Variants in CACNA2D3 observed in about 807,000 individuals in gnomAD.
CACNA2D3 encodes the protein calcium voltage-gated channel auxiliary subunit alpha2delta 3, also known as voltage-dependent calcium channel subunit alpha-2/delta-3.
CACNA2D3 carries 60 observed loss-of-function variants against 160.6 expected under a neutral mutation model. The ratio of observed to expected loss-of-function variants is 0.37; its 90% confidence interval spans 0.30 to 0.46. The LOEUF is 0.46. Among genes scored for constraint, CACNA2D3 ranks in the 20% least tolerant of loss-of-function variants. The pLI is 1.00. For missense variants in CACNA2D3, 1,205 were observed against 1,365.0 expected, an observed-to-expected ratio of 0.88 and a Z score of 1.85; for synonymous variants, 558 against 492.9, an observed-to-expected ratio of 1.13 and a Z score of -1.75.
At chr3:54,563,639 G>A (rs1474198668) in intron 6 of CACNA2D3, among the ~76,000 whole-genome samples, 1 of 152,158 alleles carries the variant, frequency 6.6e-6, no homozygotes, top group East Asian at 1.9e-4. Flanking sequence ...TACAAGTTGT[G>A]AAAACAGGAC....
chr3:54,740,367 T>C (rs1169687924), intron 11 of CACNA2D3, among the ~76,000 whole-genome samples: 3 of 152,150 alleles, frequency 2.0e-5, no homozygotes, highest in African/African-American at 4.8e-5. Context: ...GAACATTGAC[T>C]TGCCTTCCCA....
At chr3:54,148,126 C>T (rs367864046) in intron 2 of CACNA2D3, among the ~76,000 whole-genome samples, 5 of 152,210 alleles carry the variant, frequency 3.3e-5, no homozygotes, top group African/African-American at 7.2e-5. Context: ...CACTGGCTTC[C>T]GCGATGGCCC....
rs1176247271 is a variant in CACNA2D3, at chr3:55,073,808, G to GGCCCAGAAGATCAGAAGGC, written c.3141_3159dup (p.Ser1054AspfsTer14). ...AATCCCTTAAGTGTGAACGTCTAAA[G>GGCCCAGAAGATCAGAAGGC]GCCCAGAAGATCAGAAGGCGCCCAG... On this transcript the variant is annotated frameshift_variant, in exon 37 of 38. Transcript: ENST00000474759. LOFTEE classifies it high-confidence loss of function. 1 of 1,613,650 alleles carries GGCCCAGAAGATCAGAAGGC rather than the reference G, an allele frequency of 6.2e-7. No homozygotes were observed. The highest frequency in any genetic ancestry group is 1.3e-5 in the African/African-American group (1 of 74,898).
chr3:55,025,111 C>G (rs1338596707), intron 35 of CACNA2D3, among the ~76,000 whole-genome samples: 1 of 152,072 alleles, frequency 6.6e-6, no homozygotes, highest in Non-Finnish European at 1.5e-5. Context: ...AGTGAGAAAA[C>G]CAATAGAACT....
chr3:54,286,083 G>A (rs908078297), intron 2 of CACNA2D3, among the ~76,000 whole-genome samples: 1 of 152,218 alleles, frequency 6.6e-6, no homozygotes, highest in African/African-American at 2.4e-5. Context: ...GATGGAGAAT[G>A]ACTTTGACGA....
rs190485273 is a variant in CACNA2D3 at position 54,369,908 on chromosome 3, A to G, written c.322-16807A>G. On this transcript the variant is annotated intron_variant, in intron 3 of 37. Transcript: ENST00000474759. ...ACAAATTCCTACAGTGCAGACTGCGATAAGTAATTTGTAGCTCCCTTCAGT... is the reference window on the plus strand; with the variant it reads ...ACAAATTCCTACAGTGCAGACTGCGGTAAGTAATTTGTAGCTCCCTTCAGT... 5.9e-5 allele frequency among the ~76,000 whole-genome samples: 9 copies of G among 152,354 alleles called. No homozygotes were observed. In the East Asian group the frequency reaches 1.7e-3, roughly 29 times the overall value.
chr3:54,308,907 A>G (rs1703669235), intron 2 of CACNA2D3, among the ~76,000 whole-genome samples: 1 of 152,230 alleles, frequency 6.6e-6, no homozygotes, highest in African/African-American at 2.4e-5. Context: ...AGGCTGCAGA[A>G]AGCAATCTAT....
At chr3:54,738,246 G>T (rs1701572311) in intron 11 of CACNA2D3, among the ~76,000 whole-genome samples, 1 of 152,182 alleles carries the variant, frequency 6.6e-6, no homozygotes, top group Non-Finnish European at 1.5e-5. Context: ...GTTTCCAAGT[G>T]GCAGATAATC....
chr3:54,635,490 G>A (rs1479897197), intron 10 of CACNA2D3, among the ~76,000 whole-genome samples: 1 of 151,966 alleles, frequency 6.6e-6, no homozygotes, highest in East Asian at 1.9e-4. Flanking sequence ...AAAATAGTAG[G>A]GATGACAAGT....
chr3:54,224,100 T>C (rs1345464770), intron 2 of CACNA2D3, among the ~76,000 whole-genome samples: 1 of 152,106 alleles, frequency 6.6e-6, no homozygotes, highest in East Asian at 1.9e-4. Flanking sequence ...AGCACACACA[T>C]TAGCCTAAGC....
chr3:54,425,331 CAAAA>C (rs1317231547), intron 4 of CACNA2D3, among the ~76,000 whole-genome samples: 2 of 149,394 alleles, frequency 1.3e-5, no homozygotes, highest in African/African-American at 2.6e-5. Context: ...AACTCCATCT[CAAAA>C]CAAACAAACA....
At chr3:54,692,223 C>T (rs1224921429) in intron 11 of CACNA2D3, among the ~76,000 whole-genome samples, 4 of 152,234 alleles carry the variant, frequency 2.6e-5, no homozygotes, top group Non-Finnish European at 4.4e-5. Context: ...ATCCACCTGC[C>T]TTGGCCTCCC....
chr3:54,418,107 A>G (rs1476051155), intron 4 of CACNA2D3, among the ~76,000 whole-genome samples: 6 of 152,206 alleles, frequency 3.9e-5, no homozygotes, highest in African/African-American at 1.2e-4. Flanking sequence ...TTTGAATAAT[A>G]TAAAAGGACT....
At chr3:54,569,315 A>C (rs1172523634) in intron 6 of CACNA2D3, among the ~76,000 whole-genome samples, 1 of 152,204 alleles carries the variant, frequency 6.6e-6, no homozygotes, top group Non-Finnish European at 1.5e-5. Flanking sequence ...AGGAGTGAGG[A>C]GGGAACAGAC....
intron 37 of CACNA2D3, 31 bp from the exon 38 acceptor site, chr3:55,074,083 C>CCGT (rs1704889226): frequency 6.3e-7 from 1 of 1,575,310 alleles, no homozygotes; most frequent in Admixed American, 1.7e-5. Flanking sequence ...GAGTCTATTT[C>CCGT]CGTCTAACCA....
At chr3:54,257,023 T>C (rs967967553) in intron 2 of CACNA2D3, among the ~76,000 whole-genome samples, 2 of 152,140 alleles carry the variant, frequency 1.3e-5, no homozygotes, top group Non-Finnish European at 2.9e-5. Flanking sequence ...GGTCTACTTA[T>C]GACCACTGAA....
intron 4 of CACNA2D3, among the ~76,000 whole-genome samples, chr3:54,431,050 C>T (rs2106772851): frequency 6.6e-6 from 1 of 151,982 alleles, no homozygotes; most frequent in African/African-American, 2.4e-5. Context: ...TAAGAAAAAT[C>T]ATAAGGGGCC....
chr3:54,723,363 G>C (rs1186336337), intron 11 of CACNA2D3, among the ~76,000 whole-genome samples: 1 of 152,136 alleles, frequency 6.6e-6, no homozygotes, highest in East Asian at 1.9e-4. Context: ...CAGACCACTT[G>C]GCTCCCTGGC....
intron 35 of CACNA2D3, among the ~76,000 whole-genome samples, chr3:55,062,493 C>G (rs1704538996): frequency 6.6e-6 from 1 of 152,108 alleles, no homozygotes; most frequent in African/African-American, 2.4e-5. Context: ...TCTCAGAAGT[C>G]TAGTAGGAAA....
Sources: gnomAD v4.1 joint callset for allele counts (sites outside exome capture counted in the v4.1 genomes callset) on GRCh38, gnomAD v4.1.1 for gene constraint, MANE v1.5 for transcripts, NCBI Gene and HGNC (gene_info 2026-07-23, HGNC 2026-07-21) for gene names.